Variants in EIF4G3 observed in about 807,000 individuals in gnomAD.
EIF4G3 encodes the protein eukaryotic translation initiation factor 4 gamma 3.
EIF4G3 carries 34 observed loss-of-function variants against 186.4 expected under a neutral mutation model. That is an observed-to-expected ratio of 0.18 (90% CI 0.14 to 0.24). The LOEUF is 0.24. Ranked by LOEUF, EIF4G3 falls within the 10% of genes least tolerant of loss-of-function variation. The pLI is 1.00. For missense variants in EIF4G3, 1,536 were observed against 1,948.5 expected, an observed-to-expected ratio of 0.79 and a Z score of 3.99; for synonymous variants, 673 against 679.5, an observed-to-expected ratio of 0.99 and a Z score of 0.15.
chr1:21,053,025 T>C (rs1284503880), intron 3 of EIF4G3, among the ~76,000 whole-genome samples: 1 of 151,120 alleles, frequency 6.6e-6, no homozygotes, highest in Non-Finnish European at 1.5e-5. Context: ...GTGAGGAGCG[T>C]CTCTGCCTGG....
chr1:21,147,260 C>CAATA (rs967114357), intron 2 of EIF4G3, among the ~76,000 whole-genome samples: 2 of 151,778 alleles, frequency 1.3e-5, no homozygotes, highest in African/African-American at 2.4e-5. Flanking sequence ...GACTCCATCT[C>CAATA]AATAAATAAA....
intron 14 of EIF4G3, among the ~76,000 whole-genome samples, chr1:20,912,939 A>C (rs2093419660): frequency 6.6e-6 from 1 of 152,204 alleles, no homozygotes; most frequent in Non-Finnish European, 1.5e-5. Context: ...ACAAAGAAGA[A>C]ACCCAGGTGA....
intron 4 of EIF4G3, among the ~76,000 whole-genome samples, chr1:21,035,374 G>A (rs903609486): frequency 3.3e-5 from 5 of 152,122 alleles, no homozygotes; most frequent in African/African-American, 1.2e-4. Context: ...AGCTCCCCAG[G>A]CACAGCTCCA....
intron 2 of EIF4G3, among the ~76,000 whole-genome samples, chr1:21,132,098 G>A (rs34429580): frequency 0.021 from 3,123 of 152,110 alleles, 63 homozygotes; most frequent in Non-Finnish European, 0.027. Flanking sequence ...TATAAATAAT[G>A]TTCTCCGTAT....
chr1:21,120,084 C>A (rs1274848235), intron 2 of EIF4G3, among the ~76,000 whole-genome samples: 6 of 150,682 alleles, frequency 4.0e-5, no homozygotes. Flanking sequence ...AAGACTGTGG[C>A]CCAATAGTCC....
intron 16 of EIF4G3, among the ~76,000 whole-genome samples, chr1:20,898,140 T>G (rs909486850): frequency 2.0e-5 from 3 of 152,092 alleles, no homozygotes; most frequent in Non-Finnish European, 4.4e-5. Context: ...TTAAAAAAAG[T>G]TTTATGATAG....
intron 2 of EIF4G3, among the ~76,000 whole-genome samples, chr1:21,115,476 G>A (rs2096800562): frequency 6.6e-6 from 1 of 152,212 alleles, no homozygotes; most frequent in Non-Finnish European, 1.5e-5. Flanking sequence ...TGTTGAAAAT[G>A]ATGCCAAAAG....
intron 26 of EIF4G3, 78 bp from the exon 27 acceptor site, chr1:20,853,755 G>C: frequency 6.4e-6 from 7 of 1,088,906 alleles, no homozygotes; most frequent in Non-Finnish European, 9.7e-6. Context: ...GCATCCCTAG[G>C]TGAGGCCTGA....
intron 4 of EIF4G3, among the ~76,000 whole-genome samples, chr1:21,040,873 C>T (rs2093531605): frequency 6.6e-6 from 1 of 152,146 alleles, no homozygotes; most frequent in Non-Finnish European, 1.5e-5. Flanking sequence ...ATACTTCAAC[C>T]AATCATAGAC....
chr1:21,153,228 TACTACATCTCAAAG>T (rs899342720), intron 2 of EIF4G3, among the ~76,000 whole-genome samples: 6 of 152,172 alleles, frequency 3.9e-5, no homozygotes, highest in African/African-American at 1.2e-4. Flanking sequence ...AGCTAAAAAG[TACTACATCTCAAAG>T]ACTACATCTC....
intron 14 of EIF4G3, among the ~76,000 whole-genome samples, chr1:20,932,646 C>G (rs913628374): frequency 6.6e-6 from 1 of 151,826 alleles, no homozygotes; most frequent in Non-Finnish European, 1.5e-5. Context: ...GAAGAACTGC[C>G]GGTTGGTGGA....
chr1:21,019,295 C>A (rs1039921944), intron 4 of EIF4G3, among the ~76,000 whole-genome samples: 6 of 152,228 alleles, frequency 3.9e-5, no homozygotes, highest in African/African-American at 1.4e-4. Context: ...AATTGGTTGT[C>A]AGACGAATAC....
chr1:20,948,187 G>T (rs150830359), intron 13 of EIF4G3, among the ~76,000 whole-genome samples: 1 of 152,254 alleles, frequency 6.6e-6, no homozygotes, highest in African/African-American at 2.4e-5. Flanking sequence ...GTTTTGAAGG[G>T]AAATACTCTG....
intron 12 of EIF4G3, among the ~76,000 whole-genome samples, chr1:20,954,233 T>C (rs1426267341): frequency 6.6e-6 from 1 of 151,990 alleles, no homozygotes; most frequent in Non-Finnish European, 1.5e-5. Flanking sequence ...AGAAACACTA[T>C]GAAGGCTAAG....
chr1:21,173,849 T>C (rs900525542), intron 2 of EIF4G3, among the ~76,000 whole-genome samples: 6 of 152,218 alleles, frequency 3.9e-5, no homozygotes, highest in African/African-American at 1.4e-4. Flanking sequence ...TATTGAACAA[T>C]GACCACTTGC....
intron 2 of EIF4G3, among the ~76,000 whole-genome samples, chr1:21,093,486 C>G (rs1242537081): frequency 7.3e-6 from 1 of 137,324 alleles, no homozygotes; most frequent in East Asian, 1.9e-4. Context: ...AATAGGAACA[C>G]TTTTACACTG....
At chr1:21,017,156 C>T (rs532831452) in intron 4 of EIF4G3, among the ~76,000 whole-genome samples, 2 of 152,242 alleles carry the variant, frequency 1.3e-5, no homozygotes, top group South Asian at 4.1e-4. Flanking sequence ...AGTTCTCACA[C>T]ATTACAACAT....
In EIF4G3 at chr1:20,997,618, G is replaced by A; in HGVS notation, c.160C>T (p.Arg54Ter). 1.3e-6 allele frequency: 2 copies of A among 1,545,824 alleles called. No individual in the cohort carries two copies. The highest frequency in any genetic ancestry group is 1.2e-5 in the South Asian group (1 of 83,348). Residue 54 changes from arginine (R) to a stop codon, truncating the protein, a stop_gained, in exon 7 of 37, where the codon CGA (arginine) becomes TGA (stop). Transcript: ENST00000602326. LOFTEE classifies it high-confidence loss of function. ...TACAGTACCTGATGATGGGGAGGTC[G>A]AGGCCCCGCTGCAAACTGAGAAAAG... ...IKYCIFAAGP[R>*]PPHHQGGFRP... is the part of the protein sequence containing the mutation.
At chr1:20,981,648 TATAC>T (rs1407514374) in intron 8 of EIF4G3, among the ~76,000 whole-genome samples, 2 of 127,680 alleles carry the variant, frequency 1.6e-5, no homozygotes, top group Non-Finnish European at 3.4e-5. Context: ...ATACTGTATG[TATAC>T]ATACATGTAT....
Sources: gnomAD v4.1 joint callset for allele counts (sites outside exome capture counted in the v4.1 genomes callset) on GRCh38, gnomAD v4.1.1 for gene constraint, MANE v1.5 for transcripts, NCBI Gene and HGNC (gene_info 2026-07-23, HGNC 2026-07-21) for gene names.